Variants in ANO2 observed in about 807,000 individuals in gnomAD.
ANO2 encodes anoctamin 2, also known as anoctamin-2.
ANO2 carries 101 observed loss-of-function variants against 124.2 expected under a neutral mutation model. The ratio of observed to expected loss-of-function variants is 0.81; its 90% CI spans 0.69 to 0.96. ANO2 has a LOEUF of 0.96. ANO2 is among the 40% of genes least tolerant of loss of function. The probability of loss-of-function intolerance (pLI) is 0.00; values close to 1 mark genes in which losing one functional copy is unlikely to be tolerated. For synonymous variants in ANO2, 486 were observed against 482.5 expected, an observed-to-expected ratio of 1.01 and a Z score of -0.09; for missense variants, 1,293 against 1,274.5, an observed-to-expected ratio of 1.01 and a Z score of -0.22.
chr12:5,813,725 C>T (rs896533260), intron 7 of ANO2, among the ~76,000 whole-genome samples: 6 of 152,182 alleles, frequency 3.9e-5, no homozygotes, highest in African/African-American at 7.2e-5. Context: ...ACCCCTGGTA[C>T]CTGCTCTCTG....
Position 5,562,851 on chromosome 12 carries a change from T to C in ANO2, c.*448A>G, listed in dbSNP as rs1277225946. On this transcript the variant is annotated 3_prime_UTR_variant, in exon 25 of 25. Coordinates refer to ENST00000682330, the MANE Select transcript of ANO2 (RefSeq NM_001364791.2). ...ACTTAATTTGCATCTGCTGAGACTGTGGCAGCCCCACTGCAAGTGACTCAG... is the reference window on the plus strand; with the variant it reads ...ACTTAATTTGCATCTGCTGAGACTGCGGCAGCCCCACTGCAAGTGACTCAG... 1 of 173,704 alleles carries C rather than the reference T, an allele frequency of 5.8e-6. No homozygotes were observed. The highest frequency in any genetic ancestry group is 1.3e-5 in the Non-Finnish European group (1 of 79,868). The allele number at this position is 173,704 out of a possible 1,614,324, so 10.8% of individuals were successfully genotyped here.
intron 20 of ANO2, among the ~76,000 whole-genome samples, chr12:5,580,899 G>A (rs981869259): frequency 8.6e-5 from 13 of 152,030 alleles, no homozygotes; most frequent in Non-Finnish European, 1.5e-4. Context: ...CACCTGCACC[G>A]AAATACACAG....
intron 20 of ANO2, among the ~76,000 whole-genome samples, chr12:5,588,565 C>A (rs762958671): frequency 6.6e-6 from 1 of 152,180 alleles, no homozygotes; most frequent in Non-Finnish European, 1.5e-5. Context: ...CACTGGAAGG[C>A]GCCCTGAAGG....
At chr12:5,757,508 A>C (rs1298099580) in intron 10 of ANO2, among the ~76,000 whole-genome samples, 3 of 152,226 alleles carry the variant, frequency 2.0e-5, no homozygotes, top group African/African-American at 7.2e-5. Flanking sequence ...GTAAAACACA[A>C]GAGGGAAATG....
rs779437832 is a variant in ANO2 at position 5,822,177 on chromosome 12, G to A, written c.892+5592C>T. Among the ~76,000 whole-genome samples, 4 of 152,186 alleles carry A rather than the reference G, an allele frequency of 2.6e-5. 1 individual carries two copies. The highest frequency in any genetic ancestry group is 4.4e-5 in the Non-Finnish European group (3 of 68,044). The stretch of plus-strand genomic sequence containing the variant: ...TGCACTTTGCAAGCAAGGAGAAATG[G>A]CCAGATGTGCAATTATATACTGATT... On this transcript the variant is annotated intron_variant, in intron 7 of 24. Coordinates refer to ENST00000682330, the MANE Select transcript of ANO2 (RefSeq NM_001364791.2).
intron 9 of ANO2, among the ~76,000 whole-genome samples, chr12:5,800,347 A>G (rs1306928634): frequency 2.0e-5 from 3 of 152,228 alleles, no homozygotes; most frequent in Non-Finnish European, 4.4e-5. Flanking sequence ...TCTTTGTATC[A>G]ACACTGGATG....
At chr12:5,813,082 A>AAGGAAGGAAGGG (rs1483707124) in intron 7 of ANO2, among the ~76,000 whole-genome samples, 2 of 150,928 alleles carry the variant, frequency 1.3e-5, no homozygotes, top group African/African-American at 4.9e-5. Flanking sequence ...AAGAGGAAGG[A>AAGGAAGGAAGGG]AAAAAGGAAG....
At chr12:5,685,480 G>C (rs966398034) in intron 14 of ANO2, among the ~76,000 whole-genome samples, 1 of 152,174 alleles carries the variant, frequency 6.6e-6, no homozygotes, top group African/African-American at 2.4e-5. Flanking sequence ...GAACAGAGAA[G>C]AGAAGCCACA....
chr12:5,828,637 A>G (rs1191655947), intron 6 of ANO2, among the ~76,000 whole-genome samples: 2 of 152,206 alleles, frequency 1.3e-5, no homozygotes, highest in Non-Finnish European at 2.9e-5. Context: ...GAAGCCCTAC[A>G]TGCCCAAAAC....
At chr12:5,940,205 T>C (rs1942840916) in intron 1 of ANO2, among the ~76,000 whole-genome samples, 1 of 152,188 alleles carries the variant, frequency 6.6e-6, no homozygotes, top group Non-Finnish European at 1.5e-5. Flanking sequence ...AGAAAGATGC[T>C]TGCCTTCCCG....
chr12:5,825,242 G>C (rs1290017983), intron 7 of ANO2, among the ~76,000 whole-genome samples: 1 of 152,218 alleles, frequency 6.6e-6, no homozygotes, highest in Non-Finnish European at 1.5e-5. Flanking sequence ...GAAGCAGCTG[G>C]ATTGACAGAA....
At chr12:5,805,983 T>C in intron 9 of ANO2, 69 bp downstream of exon 9, 1 of 1,499,034 alleles carries the variant, frequency 6.7e-7, no homozygotes, top group Non-Finnish European at 9.2e-7. Flanking sequence ...AAGACACTTC[T>C]AGCCACTTCC....
In ANO2 at chr12:5,636,659, G is replaced by A. The variant is rs568899420; in HGVS notation, c.1621-1312C>T. 2.5e-3 allele frequency among the ~76,000 whole-genome samples: 344 copies of A among 137,268 alleles called. No individual in the cohort carries two copies. The highest frequency in any genetic ancestry group is 8.6e-3 in the African/African-American group (335 of 38,996). 90.1% of individuals were successfully genotyped at this position (137,268 alleles called of 152,430 possible). Reference sequence around the variant, plus strand: ...ACACACACACACACACGCATGCACAGGGAGGGAGGCAGGAAGGAGGGGGTA... The same window carrying A: ...ACACACACACACACACGCATGCACAAGGAGGGAGGCAGGAAGGAGGGGGTA... On this transcript the variant is annotated intron_variant, in intron 15 of 24. Coordinates refer to ENST00000682330, the MANE Select transcript of ANO2 (RefSeq NM_001364791.2). This position sits in a 1 kb window ranked among gnomAD's most constrained non-coding sequence, Gnocchi z 4.6.
intron 14 of ANO2, among the ~76,000 whole-genome samples, chr12:5,679,744 C>CAT (rs1380667865): frequency 6.6e-6 from 1 of 152,162 alleles, no homozygotes; most frequent in Non-Finnish European, 1.5e-5. Flanking sequence ...CCTCAAAGAC[C>CAT]TAGAACCAGA....
intron 11 of ANO2, among the ~76,000 whole-genome samples, chr12:5,745,551 A>C (rs1951240944): frequency 1.3e-5 from 2 of 152,216 alleles, no homozygotes; most frequent in Admixed American, 1.3e-4. Context: ...GAAACCTCCA[A>C]AGCCAAAGGA....
intron 14 of ANO2, among the ~76,000 whole-genome samples, chr12:5,701,256 T>C (rs1949395786): frequency 6.6e-6 from 1 of 152,204 alleles, no homozygotes; most frequent in African/African-American, 2.4e-5. Context: ...TCATGAATTA[T>C]TGACTCTTCT....
chr12:5,775,015 T>C (rs1217649798), intron 10 of ANO2, among the ~76,000 whole-genome samples: 1 of 152,210 alleles, frequency 6.6e-6, no homozygotes, highest in African/African-American at 2.4e-5. Flanking sequence ...ATCCCCACTC[T>C]ATGCGTCAGA....
intron 14 of ANO2, among the ~76,000 whole-genome samples, chr12:5,692,973 C>T (rs1443884709): frequency 1.1e-4 from 17 of 152,118 alleles, no homozygotes; most frequent in Admixed American, 1.1e-3. Context: ...CTCGCATGAC[C>T]CCCTGGGACT....
intron 5 of ANO2, among the ~76,000 whole-genome samples, 160 bp downstream of exon 5, chr12:5,832,292 C>T (rs951880009): frequency 1.3e-5 from 2 of 152,190 alleles, no homozygotes; most frequent in African/African-American, 2.4e-5. Flanking sequence ...GTTCACAAAG[C>T]AGGCACAGGG....
Sources: allele counts gnomAD v4.1 joint callset (sites outside exome capture counted in the v4.1 genomes callset), GRCh38; gene constraint gnomAD v4.1.1; non-coding constraint Gnocchi (gnomAD v3.1); transcripts MANE v1.5; gene names NCBI Gene and HGNC (gene_info 2026-07-23, HGNC 2026-07-21).